SSH2: variants seen among roughly 807,000 people sequenced by gnomAD.
SSH2 encodes the protein protein phosphatase Slingshot homolog 2.
A neutral mutation model predicts 135.2 loss-of-function variants in SSH2; 37 were observed. The observed-to-expected ratio is 0.27, with a 90% CI of 0.21 to 0.36. SSH2 has a LOEUF of 0.36. SSH2 is among the 10% of genes least tolerant of loss of function. The pLI is 1.00. For missense variants in SSH2, 1,408 were observed against 1,765.3 expected, an observed-to-expected ratio of 0.80 and a Z score of 3.63; for synonymous variants, 628 against 646.2, an observed-to-expected ratio of 0.97 and a Z score of 0.43.
chr17:29,669,446 C>T (rs980921139), intron 9 of SSH2, among the ~76,000 whole-genome samples: 1 of 152,188 alleles, frequency 6.6e-6, no homozygotes, highest in African/African-American at 2.4e-5. Flanking sequence ...TTTTGGCACA[C>T]ATTCTCCCTG....
intron 1 of SSH2, among the ~76,000 whole-genome samples, chr17:29,889,347 G>A (rs1200760489): frequency 6.6e-6 from 1 of 152,148 alleles, no homozygotes; most frequent in African/African-American, 2.4e-5. Context: ...TTGGGAGGCT[G>A]AGGCAGAAGA....
At chr17:29,767,846 C>A (rs1366150397) in intron 3 of SSH2, among the ~76,000 whole-genome samples, 1 of 151,930 alleles carries the variant, frequency 6.6e-6, no homozygotes, top group East Asian at 1.9e-4. Context: ...CTATTATATA[C>A]AATATCACTA....
At chr17:29,842,139 G>GGGGGTGT (rs79157063) in intron 2 of SSH2, among the ~76,000 whole-genome samples, 1 of 150,862 alleles carries the variant, frequency 6.6e-6, no homozygotes, top group African/African-American at 2.4e-5. Flanking sequence ...TTTAACTGGA[G>GGGGGTGT]GAGACCCTGT....
intron 1 of SSH2, among the ~76,000 whole-genome samples, chr17:29,910,398 G>A (rs2066745084): frequency 6.6e-6 from 1 of 152,130 alleles, no homozygotes; most frequent in African/African-American, 2.4e-5. Flanking sequence ...AGATACCTAG[G>A]CAATATTTAT....
chr17:29,909,183 C>T (rs965209221), intron 1 of SSH2, among the ~76,000 whole-genome samples: 1 of 152,268 alleles, frequency 6.6e-6, no homozygotes, highest in East Asian at 1.9e-4. Context: ...TTTAACATGA[C>T]TTCTCTTATA....
At position 29,631,783 on chromosome 17, in the gene SSH2, G is replaced by A. The variant is rs143026726; in HGVS notation, c.3411C>T (p.Ala1137=). The A allele has an allele frequency of 6.1e-5, 99 of 1,614,198 alleles. No homozygotes were observed. The Middle Eastern group carries it at 9.9e-4, about 16-fold the overall frequency. The stretch of plus-strand genomic sequence containing the variant: ...TGACAAAAGGTGCTGCTGTCTCCAG[G>A]GCTGTGGACAGGCTGCTGCCTCTGT... ...PEDRGSSLST[A]LETAAPFVSH... Residue 1137 remains alanine (A), a synonymous_variant, in exon 16 of 16, where the codon GCC becomes GCT. Transcript: ENST00000540801.
intron 3 of SSH2, among the ~76,000 whole-genome samples, chr17:29,732,750 A>C (rs1019376219): frequency 1.3e-5 from 2 of 152,178 alleles, no homozygotes; most frequent in African/African-American, 4.8e-5. Context: ...GGGAAAAGAC[A>C]CTAACAGAAA....
intron 1 of SSH2, among the ~76,000 whole-genome samples, chr17:29,859,599 C>T (rs2065725052): frequency 6.6e-6 from 1 of 152,162 alleles, no homozygotes; most frequent in Admixed American, 6.5e-5. Context: ...CAGCTCCATC[C>T]ATGTTCCTGC....
Position 29,631,366 on chromosome 17 carries a change from G to T in SSH2, c.3828C>A (p.Thr1276=). 1 of 1,614,130 alleles carries T rather than the reference G, an allele frequency of 6.2e-7. No homozygotes were observed. The highest frequency in any genetic ancestry group is 8.5e-7 in the Non-Finnish European group (1 of 1,180,018). The change falls in exon 16 of 16, where the codon ACC becomes ACA. Residue 1276 remains threonine (T), a synonymous_variant. Coordinates refer to ENST00000540801, the MANE Select transcript of SSH2 (RefSeq NM_001282129.2). ...ESRVVFQAGL[T]KPSQMRRSAS... is the part of the protein sequence containing the mutation. ...CTGAGCGCCTCATTTGGGATGGTTT[G>T]GTGAGCCCTGCCTGGAAAACCACTC...
chr17:29,785,827 C>T (rs1336526746), intron 3 of SSH2, among the ~76,000 whole-genome samples: 4 of 90,454 alleles, frequency 4.4e-5, no homozygotes, highest in African/African-American at 1.8e-4. Context: ...TTTTTTTAGA[C>T]GGAGTCTGCC....
At chr17:29,652,414 G>A (rs958329100) in intron 12 of SSH2, among the ~76,000 whole-genome samples, 1 of 152,128 alleles carries the variant, frequency 6.6e-6, no homozygotes, top group African/African-American at 2.4e-5. Flanking sequence ...GGTGATTCCT[G>A]AAGGGTACAG....
intron 3 of SSH2, among the ~76,000 whole-genome samples, chr17:29,786,343 T>C (rs956867870): frequency 6.6e-6 from 1 of 152,182 alleles, no homozygotes; most frequent in African/African-American, 2.4e-5. Flanking sequence ...GGGAGGAGCC[T>C]GGCCCCTCCT....
At chr17:29,639,732 GTGAGTGGCTGTGGGGAGGGGCAAGC>G (rs2036068318) in intron 14 of SSH2, 1 of 152,180 alleles carries the variant, frequency 6.6e-6, no homozygotes, top group African/African-American at 2.4e-5. Flanking sequence ...CGCATCTCAA[GTGAGTGGCTGTGGGGAGGGGCAAGC>G]TGACTGTTTG....
intron 1 of SSH2, among the ~76,000 whole-genome samples, chr17:29,895,311 A>G (rs2066430062): frequency 1.1e-5 from 1 of 94,344 alleles, no homozygotes; most frequent in Non-Finnish European, 1.9e-5. Flanking sequence ...TATGAAATAT[A>G]TAAAATATAT....
chr17:29,722,906 A>G (rs2039869421), intron 3 of SSH2, among the ~76,000 whole-genome samples: 1 of 152,246 alleles, frequency 6.6e-6, no homozygotes, highest in South Asian at 2.1e-4. Flanking sequence ...TGAACCGTGA[A>G]GAAACCAACA....
At chr17:29,647,819 T>C (rs1318931894) in intron 14 of SSH2, 1 of 270,316 alleles carries the variant, frequency 3.7e-6, no homozygotes, top group Middle Eastern at 1.4e-3. Flanking sequence ...CCCATCATCA[T>C]GCCCAGCTAA....
intron 1 of SSH2, among the ~76,000 whole-genome samples, chr17:29,918,051 G>T (rs918219291): frequency 8.6e-5 from 13 of 152,000 alleles, no homozygotes; most frequent in African/African-American, 3.1e-4. Context: ...GCATGGTGGC[G>T]TGAGCATCTG....
chr17:29,749,426 T>C (rs1292672870), intron 3 of SSH2, among the ~76,000 whole-genome samples: 2 of 152,206 alleles, frequency 1.3e-5, no homozygotes, highest in Non-Finnish European at 2.9e-5. Context: ...GTGGAAAACC[T>C]GTACAGCATG....
intron 3 of SSH2, among the ~76,000 whole-genome samples, chr17:29,779,471 T>C (rs2151285515): frequency 6.6e-6 from 1 of 152,252 alleles, no homozygotes; most frequent in Non-Finnish European, 1.5e-5. Context: ...GGCAGATAGT[T>C]CTCTATTCTG....
Sources: allele counts gnomAD v4.1 joint callset (sites outside exome capture counted in the v4.1 genomes callset), GRCh38; gene constraint gnomAD v4.1.1; transcripts MANE v1.5; gene names NCBI Gene and HGNC (gene_info 2026-07-23, HGNC 2026-07-21).